HVCN1: variants seen among roughly 807,000 people sequenced by gnomAD.
HVCN1 encodes the protein voltage-gated hydrogen channel 1.
HVCN1 carries 14 observed loss-of-function variants against 29.2 expected under a neutral mutation model. The ratio of observed to expected loss-of-function variants is 0.48; its 90% CI spans 0.32 to 0.75. HVCN1 has a LOEUF of 0.75. Among genes scored for constraint, HVCN1 ranks in the 30% least tolerant of loss-of-function variants. The pLI, the probability that HVCN1 is intolerant of heterozygous loss-of-function variation, is 0.04. For missense variants in HVCN1, 263 were observed against 341.8 expected, an observed-to-expected ratio of 0.77 and a Z score of 1.82; for synonymous variants, 131 against 133.2, an observed-to-expected ratio of 0.98 and a Z score of 0.11.
chr12:110,665,548 C>T (rs1005273668), intron 3 of HVCN1, among the ~76,000 whole-genome samples: 4 of 144,254 alleles, frequency 2.8e-5, no homozygotes, highest in African/African-American at 8.0e-5. Context: ...AAGAGTGAAA[C>T]TCCATCTCAA....
chr12:110,671,769 G>A (rs149601886), intron 3 of HVCN1, among the ~76,000 whole-genome samples: 12 of 152,326 alleles, frequency 7.9e-5, no homozygotes, highest in Admixed American at 3.3e-4. Flanking sequence ...CAGCGACAGC[G>A]GCTCCTTTTG....
At chr12:110,660,739 C>G (rs2068142016) in intron 4 of HVCN1, among the ~76,000 whole-genome samples, 1 of 152,202 alleles carries the variant, frequency 6.6e-6, no homozygotes, top group Non-Finnish European at 1.5e-5. Context: ...CTTCCTGTCT[C>G]TATGGATTTG....
At chr12:110,683,296 A>G (rs761302583) in intron 2 of HVCN1, 32 bp from the exon 3 acceptor site, 2 of 1,582,592 alleles carry the variant, frequency 1.3e-6, no homozygotes, top group Non-Finnish European at 1.7e-6. Flanking sequence ...GTCCAGATCT[A>G]TCATCTTGCT....
At chr12:110,702,235 T>C (rs78621244) in intron 2 of HVCN1, 8,010 of 152,096 alleles carry the variant, frequency 0.053, 627 homozygotes, top group African/African-American at 0.18. Flanking sequence ...TCAGCGCGGC[T>C]CCCCCACCCC....
At chr12:110,649,772 C>T (rs1024845523) in intron 7 of HVCN1, among the ~76,000 whole-genome samples, 3 of 152,196 alleles carry the variant, frequency 2.0e-5, no homozygotes, top group Admixed American at 2.0e-4. Flanking sequence ...GCAGGCTCAG[C>T]CCAGGGAAGG....
chr12:110,655,176 T>C (rs551095484), intron 5 of HVCN1, 58 bp downstream of exon 5: 1 of 1,329,116 alleles, frequency 7.5e-7, no homozygotes, highest in African/African-American at 1.4e-5. Context: ...ACCCCGTCTG[T>C]GCAGATAACA....
intron 2 of HVCN1, among the ~76,000 whole-genome samples, chr12:110,697,413 G>A (rs2069509744): frequency 6.6e-6 from 1 of 152,090 alleles, no homozygotes; most frequent in Admixed American, 6.6e-5. Context: ...AACCAAAAGA[G>A]GAGCGTTTTG....
intron 1 of HVCN1, chr12:110,704,796 C>T (rs1167785405): frequency 6.6e-6 from 1 of 152,288 alleles, no homozygotes; most frequent in Non-Finnish European, 1.5e-5. Context: ...TCCCCCTGGG[C>T]TGGGTTTCAG....
chr12:110,680,729 CA>C (rs1293641405), intron 3 of HVCN1, among the ~76,000 whole-genome samples: 1 of 151,974 alleles, frequency 6.6e-6, no homozygotes, highest in East Asian at 1.9e-4. Flanking sequence ...CCAGCCTGGC[CA>C]ATATGGAGAA....
rs141396411 is a variant in HVCN1 at position 110,649,327 on chromosome 12, G to A, written c.*83C>T. The A allele has an allele frequency of 1.8e-4, 193 of 1,085,690 alleles. 1 individual carries two copies. In the African/African-American group the frequency reaches 2.5e-3, roughly 14 times the overall value. 67.3% of individuals were successfully genotyped at this position (1,085,690 alleles called of 1,614,324 possible). A position where few individuals can be genotyped will look rare whatever the true frequency, so the allele number is the denominator to read the frequency against. ...TATCAAACCAAACCTCTCACCAAGC[G>A]GCCCAGGAGGGGCAGCTGTTCCTCT... is the stretch of plus-strand genomic sequence containing the variant. On this transcript the variant is annotated 3_prime_UTR_variant, in exon 8 of 8. Transcript: ENST00000242607.
At position 110,649,160 on chromosome 12, in the gene HVCN1, A is replaced by T. The variant is rs919595182; in HGVS notation, c.*250T>A. The T allele has an allele frequency of 6.3e-5, 43 of 679,686 alleles. No individual in the cohort carries two copies. The highest frequency in any genetic ancestry group is 1.0e-4 in the Non-Finnish European group (38 of 375,722). The allele number at this position is 679,686 out of a possible 1,614,324, so 42.1% of individuals were successfully genotyped here. A position where few individuals can be genotyped will look rare whatever the true frequency, so the allele number is the denominator to read the frequency against. Reference sequence around the variant, plus strand: ...CCAGCTTTGTTGCTCATTTTCAATTAAGGCTAAAGTGTTCAACATGAGAAA... The same window carrying T: ...CCAGCTTTGTTGCTCATTTTCAATTTAGGCTAAAGTGTTCAACATGAGAAA... On this transcript the variant is annotated 3_prime_UTR_variant, in exon 8 of 8. Coordinates refer to ENST00000242607, the MANE Select transcript of HVCN1 (RefSeq NM_032369.4).
At chr12:110,691,290 C>G (rs930036149), upstream of HVCN1, among the ~76,000 whole-genome samples, 4 of 147,418 alleles carry the variant, frequency 2.7e-5, no homozygotes, top group Non-Finnish European at 4.5e-5. Flanking sequence ...GTCTCGATCT[C>G]CTGACCTCGT....
rs1374836169 is a variant in HVCN1 at position 110,671,209 on chromosome 12, C to A, written c.22-9761G>T. Among the ~76,000 whole-genome samples the A allele has an allele frequency of 2.6e-5, 4 of 152,194 alleles. No homozygotes were observed. The South Asian group carries it at 8.3e-4, about 32-fold the overall frequency. ...GGGCGTGGTGGTGGGTGCCTGTAAT[C>A]CTAGCTACTCCGGAGGCTGAAGCAG... On this transcript the variant is annotated intron_variant, in intron 3 of 7. Transcript: ENST00000242607.
intron 3 of HVCN1, among the ~76,000 whole-genome samples, chr12:110,662,143 G>A (rs1313996317): frequency 6.6e-6 from 1 of 152,160 alleles, no homozygotes; most frequent in African/African-American, 2.4e-5. Context: ...AGAGCCCAAT[G>A]TCCCTGAGGG....
At chr12:110,667,376 C>T (rs1198056344) in intron 3 of HVCN1, among the ~76,000 whole-genome samples, 5 of 152,076 alleles carry the variant, frequency 3.3e-5, no homozygotes, top group East Asian at 1.9e-4. Flanking sequence ...TCAGGTGATC[C>T]GCCCGCCTCT....
Position 110,694,948 on chromosome 12 carries a change from C to T in HVCN1, c.-103-6240G>A, listed in dbSNP as rs775776325. On this transcript the variant is annotated intron_variant, in intron 2 of 4. Transcript: ENST00000546713. The surrounding 1 kb of genome is among the most constrained non-coding windows in gnomAD (Gnocchi z 4.6). ...TCCTGCCTCAATGGTTTCCCTTGCC[C>T]GCTGGGTGATCTGTCATCAATTCAG... 8.5e-5 allele frequency among the ~76,000 whole-genome samples: 13 copies of T among 152,190 alleles called. No homozygotes were observed. Among genetic ancestry groups the T allele is most frequent in the Non-Finnish European group, 1.5e-4 (10 of 68,040 alleles).
chr12:110,650,662 A>G (rs1222521036), intron 6 of HVCN1, among the ~76,000 whole-genome samples: 1 of 151,296 alleles, frequency 6.6e-6, no homozygotes, highest in African/African-American at 2.4e-5. Flanking sequence ...AGGAACTGAA[A>G]GGCTTTTTTT....
Position 110,651,232 on chromosome 12 carries a change from C to T in HVCN1, c.628G>A (p.Ala210Thr). The T allele has an allele frequency of 6.2e-7, 1 of 1,613,484 alleles. No individual in the cohort carries two copies. Among genetic ancestry groups the T allele is most frequent in the Non-Finnish European group, 8.5e-7 (1 of 1,179,502 alleles). Residue 210 changes from alanine (A) to threonine (T), a missense_variant, in exon 6 of 8, where the codon GCC becomes ACC. Around this residue, in one of 3 missense-constraint regions of HVCN1, gnomAD observed 55 missense variants for 109.4 expected, o/e 0.50. Transcript: ENST00000242607. ...GGAGACGTACCATTGATGATCCGGG[C>T]CACCCGCCACAGCCGGAGCAGAATC... is the stretch of plus-strand genomic sequence containing the variant. ...LLILLRLWRV[A>T]RIINGIIISV...
At chr12:110,683,401 AAAGTAT>A in intron 2 of HVCN1, 137 bp from the exon 3 acceptor site, 2 of 1,034,426 alleles carry the variant, frequency 1.9e-6, no homozygotes, top group Non-Finnish European at 2.7e-6. Flanking sequence ...TGTAAAGTAC[AAAGTAT>A]ATGTAGGAGG....
Sources: allele counts gnomAD v4.1 joint callset (sites outside exome capture counted in the v4.1 genomes callset), GRCh38; gene constraint gnomAD v4.1.1; regional missense constraint gnomAD v4.1.1; non-coding constraint Gnocchi (gnomAD v3.1); transcripts MANE v1.5; gene names NCBI Gene and HGNC (gene_info 2026-07-23, HGNC 2026-07-21).